The following CCDC102B variants were observed in gnomAD, a reference collection of about 807,000 sequenced individuals.
The protein encoded by CCDC102B is coiled-coil domain-containing protein 102B.
In CCDC102B, 75 loss-of-function variants were observed where a neutral mutation model predicts 57.4. The ratio of observed to expected loss-of-function variants is 1.31; its 90% confidence interval spans 1.08 to 1.58. The LOEUF (loss-of-function observed/expected upper bound fraction) is 1.58, where lower values mean the gene tolerates loss of function less well. CCDC102B is among the 40% of genes most tolerant of loss of function. CCDC102B has a pLI of 0.00. For missense variants in CCDC102B, 636 were observed against 582.6 expected, an observed-to-expected ratio of 1.09 and a Z score of -0.94; for synonymous variants, 206 against 201.9, an observed-to-expected ratio of 1.02 and a Z score of -0.17.
intron 6 of CCDC102B, among the ~76,000 whole-genome samples, chr18:68,910,910 T>C (rs910115965): frequency 1.3e-5 from 1 of 75,088 alleles, no homozygotes; most frequent in African/African-American, 5.1e-5. Context: ...GAATGGCTGT[T>C]ACTAAAAAGG....
intron 6 of CCDC102B, among the ~76,000 whole-genome samples, chr18:68,998,262 A>G (rs1026682725): frequency 2.0e-5 from 3 of 151,848 alleles, no homozygotes; most frequent in East Asian, 3.9e-4. Flanking sequence ...GTATGCATAT[A>G]TCTATATTAT....
chr18:68,767,841 G>T (rs534149046), intron 2 of CCDC102B, among the ~76,000 whole-genome samples: 3 of 152,186 alleles, frequency 2.0e-5, no homozygotes, highest in Admixed American at 2.0e-4. Flanking sequence ...GACAAAATAT[G>T]TGCAAGTGTT....
chr18:68,838,350 G>T, intron 2 of CCDC102B: 1 of 893,902 alleles, frequency 1.1e-6, no homozygotes, highest in Non-Finnish European at 1.3e-6. Context: ...AACTGTAAGT[G>T]TCTTATGACA....
intron 7 of CCDC102B, among the ~76,000 whole-genome samples, chr18:69,041,815 C>T (rs905184413): frequency 2.6e-5 from 4 of 152,004 alleles, no homozygotes; most frequent in Admixed American, 1.3e-4. Context: ...GGTTGGTTTG[C>T]TCTTGCTTCA....
chr18:68,742,842 T>G (rs2033449033), intron 2 of CCDC102B, among the ~76,000 whole-genome samples: 1 of 152,182 alleles, frequency 6.6e-6, no homozygotes, highest in Non-Finnish European at 1.5e-5. Flanking sequence ...ATCTTTGAAC[T>G]CTTTAAAAGA....
At chr18:68,795,158 A>G (rs2035589219), upstream of CCDC102B, among the ~76,000 whole-genome samples, 1 of 152,070 alleles carries the variant, frequency 6.6e-6, no homozygotes, top group Admixed American at 6.6e-5. Flanking sequence ...AAGAAGAGTA[A>G]GAACTTAGGA....
chr18:68,919,556 G>A (rs2041199691), intron 6 of CCDC102B, among the ~76,000 whole-genome samples: 1 of 152,074 alleles, frequency 6.6e-6, no homozygotes, highest in Non-Finnish European at 1.5e-5. Flanking sequence ...CGATACTACT[G>A]GAATTTGAGG....
At chr18:68,889,350 G>A (rs1187849126) in intron 5 of CCDC102B, among the ~76,000 whole-genome samples, 2 of 152,156 alleles carry the variant, frequency 1.3e-5, no homozygotes, top group South Asian at 2.1e-4. Flanking sequence ...CTCTACTTGA[G>A]GCTAAATTTG....
chr18:68,831,485 T>A (rs985464257), intron 1 of CCDC102B, among the ~76,000 whole-genome samples: 1 of 152,172 alleles, frequency 6.6e-6, no homozygotes, highest in African/African-American at 2.4e-5. Context: ...AAACTTTGTG[T>A]TTATGCTCAT....
chr18:69,045,439 A>G (rs1312061234), intron 7 of CCDC102B, among the ~76,000 whole-genome samples: 1 of 152,156 alleles, frequency 6.6e-6, no homozygotes, highest in African/African-American at 2.4e-5. Context: ...CTAAATAATC[A>G]TTAGGCTGTT....
chr18:68,927,650 T>C (rs541178347), intron 6 of CCDC102B, among the ~76,000 whole-genome samples: 1 of 152,084 alleles, frequency 6.6e-6, no homozygotes, highest in Admixed American at 6.6e-5. Flanking sequence ...CTAGGCTTTT[T>C]TGAAAATCAA....
chr18:69,020,366 C>T (rs2051797831), intron 7 of CCDC102B, among the ~76,000 whole-genome samples: 1 of 152,060 alleles, frequency 6.6e-6, no homozygotes, highest in Non-Finnish European at 1.5e-5. Context: ...ATTTATTGAG[C>T]TAGGCGCACT....
chr18:68,970,222 C>A (rs913353738), intron 6 of CCDC102B, among the ~76,000 whole-genome samples: 2 of 151,970 alleles, frequency 1.3e-5, no homozygotes, highest in Admixed American at 1.3e-4. Flanking sequence ...AAGCACACTT[C>A]TTTATCTTTC....
chr18:68,951,467 T>G (rs2145197067), intron 6 of CCDC102B, among the ~76,000 whole-genome samples: 1 of 152,250 alleles, frequency 6.6e-6, no homozygotes, highest in Non-Finnish European at 1.5e-5. Context: ...TTGAAAATAT[T>G]AACTAGTAGA....
chr18:69,047,886 C>A (rs2052606794), intron 7 of CCDC102B, among the ~76,000 whole-genome samples: 1 of 151,940 alleles, frequency 6.6e-6, no homozygotes, highest in Non-Finnish European at 1.5e-5. Context: ...TCAGATATGA[C>A]AAAAACAAAT....
At chr18:68,861,733 A>T (rs1477293107) in intron 4 of CCDC102B, among the ~76,000 whole-genome samples, 1 of 152,284 alleles carries the variant, frequency 6.6e-6, no homozygotes, top group Admixed American at 6.5e-5. Flanking sequence ...TCACCACCCT[A>T]CCGAATACTC....
chr18:68,905,950 C>T (rs1010511073), intron 6 of CCDC102B, among the ~76,000 whole-genome samples: 7 of 151,898 alleles, frequency 4.6e-5, no homozygotes, highest in African/African-American at 1.2e-4. Context: ...CCCGCCACCA[C>T]GCCCGGCTAA....
At chr18:69,042,582 C>A (rs1015062968) in intron 7 of CCDC102B, among the ~76,000 whole-genome samples, 1 of 152,016 alleles carries the variant, frequency 6.6e-6, no homozygotes. Flanking sequence ...ATACTCAGCA[C>A]CCTGTACCTC....
chr18:68,990,065 A>T (rs528478420), intron 6 of CCDC102B, among the ~76,000 whole-genome samples: 1 of 152,224 alleles, frequency 6.6e-6, no homozygotes, highest in South Asian at 2.1e-4. Flanking sequence ...TGTTCCAAAA[A>T]ATTCTGAAAT....
Sources: allele counts gnomAD v4.1 joint callset (sites outside exome capture counted in the v4.1 genomes callset), GRCh38; gene constraint gnomAD v4.1.1; transcripts MANE v1.5; gene names NCBI Gene and HGNC (gene_info 2026-07-23, HGNC 2026-07-21).